The following SLC7A1 variants were observed in gnomAD, a reference collection of about 807,000 sequenced individuals.
SLC7A1 encodes the protein solute carrier family 7 member 1.
SLC7A1 carries 10 observed loss-of-function variants against 53.9 expected under a neutral mutation model. That is an observed-to-expected ratio of 0.19 (90% confidence interval 0.11 to 0.31). The LOEUF (loss-of-function observed/expected upper bound fraction) is 0.31. Among genes scored for constraint, SLC7A1 ranks in the 10% least tolerant of loss-of-function variants. The pLI is 1.00. For synonymous variants in SLC7A1, 342 were observed against 338.7 expected (o/e 1.01, Z -0.11); for missense variants, 525 against 827.2 (o/e 0.63, Z 4.48).
At chr13:29,579,357 C>T (rs1389920039) in intron 1 of SLC7A1, among the ~76,000 whole-genome samples, 1 of 144,994 alleles carries the variant, frequency 6.9e-6, no homozygotes, top group East Asian at 2.5e-4. Flanking sequence ...TAAGCATCCA[C>T]TAGCAATTTT....
intron 1 of SLC7A1, among the ~76,000 whole-genome samples, chr13:29,586,111 G>C (rs142524826): frequency 2.8e-4 from 43 of 152,290 alleles, no homozygotes; most frequent in Non-Finnish European, 5.0e-4. Context: ...CAGTAGAACT[G>C]GATTCTTCCA....
At chr13:29,539,718 T>TGGGGA (rs1869583376) in intron 2 of SLC7A1, among the ~76,000 whole-genome samples, 1 of 151,960 alleles carries the variant, frequency 6.6e-6, no homozygotes, top group Non-Finnish European at 1.5e-5. Flanking sequence ...TGGGGTGGGG[T>TGGGGA]GGGGACAACT....
At chr13:29,583,911 C>A (rs1871761621) in intron 1 of SLC7A1, among the ~76,000 whole-genome samples, 1 of 152,080 alleles carries the variant, frequency 6.6e-6, no homozygotes, top group Non-Finnish European at 1.5e-5. Context: ...TGTCTTCCAA[C>A]AAAAGTTAAA....
Position 29,536,581 on chromosome 13 carries a change from G to A in SLC7A1, c.-14-379C>T, listed in dbSNP as rs138578694. On this transcript the variant is annotated intron_variant, in intron 2 of 12. Transcript: ENST00000380752. ...GATAATACACCAGGAAAAACAAGGT[G>A]TTAGTTCAAGTATGCTGTAATAGAA... 7.9e-3 allele frequency among the ~76,000 whole-genome samples: 1,198 copies of A among 152,292 alleles called. 16 individuals are homozygous for A. The highest frequency in any genetic ancestry group is 0.02 in the Middle Eastern group (6 of 294).
chr13:29,530,558 T>C lies in SLC7A1; in HGVS notation c.684A>G (p.Ser228=). ...CTCACTTGTTCAAACAGAGACGGCC[T>C]GATGTGTTCCCAAAATCCTCCTCCG... ...QLTEEDFGNT[S]GRLCLNNDTK... The change falls in exon 5 of 13, where the codon TCA becomes TCG. Residue 228 remains serine (S), a synonymous_variant. Coordinates refer to ENST00000380752, the MANE Select transcript of SLC7A1 (RefSeq NM_003045.5). 6.2e-7 allele frequency: 1 copy of C among 1,614,132 alleles called. No homozygotes were observed.
rs773282763 is a variant in SLC7A1, at chr13:29,523,534, A to G, written c.827-46T>C. ...CGGAGGAGGGCACACAGCAAGAGGC[A>G]GTGTATCTGCCCACATGACACCCAA... On this transcript the variant is annotated intron_variant, in intron 6 of 12. Transcript: ENST00000380752. The G allele has an allele frequency of 2.8e-6, 4 of 1,417,850 alleles. No homozygotes were observed. In the South Asian group the frequency reaches 4.6e-5, roughly 16 times the overall value. The allele number at this position is 1,417,850 out of a possible 1,614,324, so 87.8% of individuals were successfully genotyped here. A position where few individuals can be genotyped will look rare whatever the true frequency, so the allele number is the denominator to read the frequency against.
At chr13:29,568,606 G>A (rs1488632453) in intron 1 of SLC7A1, among the ~76,000 whole-genome samples, 1 of 152,218 alleles carries the variant, frequency 6.6e-6, no homozygotes, top group African/African-American at 2.4e-5. Context: ...GGGGAGTGAC[G>A]ATCTAGTCCA....
chr13:29,569,706 A>G (rs908309512), intron 1 of SLC7A1, among the ~76,000 whole-genome samples: 7 of 152,246 alleles, frequency 4.6e-5, no homozygotes, highest in Non-Finnish European at 8.8e-5. Context: ...AAAATTCTTC[A>G]ATGTAATGCA....
intron 1 of SLC7A1, chr13:29,586,621 C>A (rs377281028): frequency 6.6e-6 from 1 of 152,200 alleles, no homozygotes; most frequent in South Asian, 2.1e-4. Context: ...CAAATGCTTA[C>A]CACAAGATAA....
chr13:29,545,271 G>A (rs995892596), intron 2 of SLC7A1, among the ~76,000 whole-genome samples: 12 of 152,104 alleles, frequency 7.9e-5, no homozygotes, highest in African/African-American at 2.7e-4. Context: ...CTCCAAGCCC[G>A]TCTCCTCACA....
In SLC7A1 at chr13:29,526,167, A is replaced by G. The variant is rs1367584901; in HGVS notation, c.705-1914T>C. Among the ~76,000 whole-genome samples, 4 of 152,172 alleles carry G rather than the reference A, an allele frequency of 2.6e-5. No homozygotes were observed. In the South Asian group the frequency reaches 6.2e-4, roughly 24 times the overall value. ...GCCCCCAGATCCCCACTCAGCTCCT[A>G]TGACATCAAGAGCTACCAACATGGC... is the stretch of plus-strand genomic sequence containing the variant. On this transcript the variant is annotated intron_variant, in intron 5 of 12. Transcript: ENST00000380752.
At chr13:29,552,030 T>C (rs1330255102) in intron 2 of SLC7A1, among the ~76,000 whole-genome samples, 1 of 152,154 alleles carries the variant, frequency 6.6e-6, no homozygotes, top group African/African-American at 2.4e-5. Flanking sequence ...CTGCTCAAAG[T>C]TGCTTACATG....
intron 1 of SLC7A1, among the ~76,000 whole-genome samples, chr13:29,585,162 G>C (rs1871828398): frequency 6.6e-6 from 1 of 152,176 alleles, no homozygotes; most frequent in African/African-American, 2.4e-5. Context: ...CATCATCACA[G>C]AGAATAATGT....
chr13:29,537,520 G>A (rs1402571592), intron 2 of SLC7A1, among the ~76,000 whole-genome samples: 3 of 152,180 alleles, frequency 2.0e-5, no homozygotes, highest in Non-Finnish European at 4.4e-5. Flanking sequence ...GACACCTGGG[G>A]AAAATGAGGG....
At chr13:29,585,483 T>C (rs1370279329) in intron 1 of SLC7A1, among the ~76,000 whole-genome samples, 1 of 152,234 alleles carries the variant, frequency 6.6e-6, no homozygotes, top group Non-Finnish European at 1.5e-5. Context: ...ATTTTATCTA[T>C]ATATCAATAT....
intron 5 of SLC7A1, among the ~76,000 whole-genome samples, chr13:29,527,151 C>T (rs529833204): frequency 7.2e-5 from 11 of 151,780 alleles, no homozygotes; most frequent in African/African-American, 9.7e-5. Context: ...CGGAGTGCCG[C>T]GTTTTGTGTA....
At chr13:29,534,942 G>A (rs74042327) in intron 3 of SLC7A1, among the ~76,000 whole-genome samples, 3,458 of 152,310 alleles carry the variant, frequency 0.023, 135 homozygotes, top group African/African-American at 0.079. Flanking sequence ...GAAGCAAAGC[G>A]TGTTTACCTG....
chr13:29,559,536 G>A (rs926014677), intron 1 of SLC7A1, among the ~76,000 whole-genome samples: 5 of 149,786 alleles, frequency 3.3e-5, no homozygotes, highest in African/African-American at 1.2e-4. Flanking sequence ...TGAGTGAGGG[G>A]GAGTGAATGT....
At position 29,514,263 on chromosome 13, in the gene SLC7A1, C is replaced by G; in HGVS notation, c.*217G>C. On this transcript the variant is annotated 3_prime_UTR_variant, in exon 13 of 13. Transcript: ENST00000380752. ...GTGGCCAGCCGCAGCCTAGTGGCCCCGGCCAGGCAGCTGTCTGGAGGTGAC... is the reference window on the plus strand; with the variant it reads ...GTGGCCAGCCGCAGCCTAGTGGCCCGGGCCAGGCAGCTGTCTGGAGGTGAC... 1.8e-6 allele frequency: 1 copy of G among 562,054 alleles called. No individual in the cohort carries two copies. The highest frequency in any genetic ancestry group is 3.2e-6 in the Non-Finnish European group (1 of 312,928). The allele number at this position is 562,054 out of a possible 1,614,324, so 34.8% of individuals were successfully genotyped here.
Sources: gnomAD v4.1 joint callset for allele counts (sites outside exome capture counted in the v4.1 genomes callset) on GRCh38, gnomAD v4.1.1 for gene constraint, MANE v1.5 for transcripts, NCBI Gene and HGNC (gene_info 2026-07-23, HGNC 2026-07-21) for gene names.